Variants in STK32B observed in about 807,000 individuals in gnomAD.
STK32B encodes serine/threonine-protein kinase 32B.
A neutral mutation model predicts 52.6 loss-of-function variants in STK32B; 43 were observed. The ratio of observed to expected loss-of-function variants is 0.82; its 90% CI spans 0.64 to 1.05. The LOEUF (loss-of-function observed/expected upper bound fraction) is 1.05, where lower values mean the gene tolerates loss of function less well. Among genes scored for constraint, STK32B ranks in the 50% least tolerant of loss-of-function variants. The probability of loss-of-function intolerance (pLI) is 0.00; values close to 1 mark genes in which losing one functional copy is unlikely to be tolerated. For missense variants in STK32B, 621 were observed against 534.6 expected (o/e 1.16, Z -1.59); for synonymous variants, 238 against 204.3 (o/e 1.17, Z -1.41).
At chr4:5,198,455 G>A (rs2108772773) in intron 3 of STK32B, among the ~76,000 whole-genome samples, 1 of 152,200 alleles carries the variant, frequency 6.6e-6, no homozygotes, top group East Asian at 1.9e-4. Context: ...TTTTTTCAGA[G>A]GATTAATGGT....
At chr4:5,099,659 A>C (rs576088244) in intron 1 of STK32B, among the ~76,000 whole-genome samples, 17 of 152,098 alleles carry the variant, frequency 1.1e-4, no homozygotes, top group Non-Finnish European at 1.9e-4. Context: ...TGAAAGAATA[A>C]ATTTGGTTGG....
At chr4:5,128,780 A>G (rs187544011) in intron 1 of STK32B, among the ~76,000 whole-genome samples, 1 of 152,314 alleles carries the variant, frequency 6.6e-6, no homozygotes, top group Admixed American at 6.5e-5. Flanking sequence ...CAGGAGCTGA[A>G]TCTCTCTCTG....
chr4:5,302,398 A>G (rs868218899), intron 3 of STK32B, among the ~76,000 whole-genome samples: 2 of 152,116 alleles, frequency 1.3e-5, no homozygotes, highest in South Asian at 2.1e-4. Context: ...TGTCTACCCT[A>G]AAGTTATAAA....
In STK32B at chr4:5,268,490, A is replaced by G. The variant is rs557602027; in HGVS notation, c.261-62730A>G. ...GGCTGTTTTCCCGTCTCCTTTGGTC[A>G]CTATCATTACCCTGATTTACTAAGC... On this transcript the variant is annotated intron_variant, in intron 3 of 11. Transcript: ENST00000282908. 2.3e-4 allele frequency among the ~76,000 whole-genome samples: 35 copies of G among 149,090 alleles called. 1 individual carries two copies. In the South Asian group the frequency reaches 6.7e-3, roughly 29 times the overall value.
At chr4:5,312,782 A>T (rs1730392739) in intron 3 of STK32B, among the ~76,000 whole-genome samples, 1 of 151,988 alleles carries the variant, frequency 6.6e-6, no homozygotes, top group African/African-American at 2.4e-5. Flanking sequence ...CATGATTTAT[A>T]GTCCTTTGGG....
At chr4:5,260,807 C>T (rs1726661074) in intron 3 of STK32B, among the ~76,000 whole-genome samples, 1 of 152,072 alleles carries the variant, frequency 6.6e-6, no homozygotes, top group Non-Finnish European at 1.5e-5. Context: ...ATTAGGAAGG[C>T]CCTAGGGACC....
At chr4:5,019,463 CAG>C in the STK32B span, 1 of 1,445,464 alleles carries the variant, frequency 6.9e-7, no homozygotes, top group Non-Finnish European at 9.0e-7. Flanking sequence ...GGCGCTGGTG[CAG>C]CCTCGCCGAC....
chr4:5,122,047 C>G (rs560953503), intron 1 of STK32B, among the ~76,000 whole-genome samples: 1 of 152,128 alleles, frequency 6.6e-6, no homozygotes, highest in East Asian at 1.9e-4. Context: ...CATTCATTCA[C>G]TCGCTCATTC....
At chr4:5,354,903 T>G (rs923786404) in intron 4 of STK32B, among the ~76,000 whole-genome samples, 2 of 152,174 alleles carry the variant, frequency 1.3e-5, no homozygotes, top group Admixed American at 1.3e-4. Context: ...GTCAAACTGA[T>G]GCAACATGAG....
At chr4:5,463,228 C>A (rs1463272478) in intron 9 of STK32B, among the ~76,000 whole-genome samples, 1 of 152,242 alleles carries the variant, frequency 6.6e-6, no homozygotes, top group Non-Finnish European at 1.5e-5. Flanking sequence ...CTGGCGAAGG[C>A]TAAGAATCTC....
intron 11 of STK32B, among the ~76,000 whole-genome samples, chr4:5,494,498 C>A (rs1241273303): frequency 6.6e-6 from 1 of 152,142 alleles, no homozygotes; most frequent in Non-Finnish European, 1.5e-5. Flanking sequence ...TTCCTGAATA[C>A]AGCACATGGA....
At chr4:5,037,798 G>T in the STK32B span, among the ~76,000 whole-genome samples, 1 of 152,312 alleles carries the variant, frequency 6.6e-6, no homozygotes, top group South Asian at 2.1e-4. Flanking sequence ...CTATGACACT[G>T]CTTTTATTTA....
chr4:5,344,299 G>A (rs768789159), intron 4 of STK32B, among the ~76,000 whole-genome samples: 1 of 152,128 alleles, frequency 6.6e-6, no homozygotes, highest in African/African-American at 2.4e-5. Flanking sequence ...TTTACCAGTA[G>A]CATTACCTAC....
At chr4:5,417,040 A>C in intron 6 of STK32B, 106 bp downstream of exon 6, 2 of 993,794 alleles carry the variant, frequency 2.0e-6, no homozygotes, top group Non-Finnish European at 3.0e-6. Flanking sequence ...ATACCCTCCC[A>C]TGCTCACATG....
At chr4:5,293,660 T>C (rs1163697653) in intron 3 of STK32B, among the ~76,000 whole-genome samples, 1 of 150,868 alleles carries the variant, frequency 6.6e-6, no homozygotes, top group Non-Finnish European at 1.5e-5. Flanking sequence ...GTAAATTTGT[T>C]TAAGTTCCTT....
At chr4:5,052,019 C>A (rs953426012) in intron 1 of STK32B, 104 bp downstream of exon 1, 4 of 1,500,394 alleles carry the variant, frequency 2.7e-6, no homozygotes, top group Non-Finnish European at 2.7e-6. Flanking sequence ...GGCGCGGGGA[C>A]CCAGGCATGG....
chr4:5,248,195 C>T (rs551263325), intron 3 of STK32B, among the ~76,000 whole-genome samples: 8 of 152,172 alleles, frequency 5.3e-5, no homozygotes, highest in Non-Finnish European at 8.8e-5. Context: ...AGTACCTGCT[C>T]AGTATAACAC....
intron 1 of STK32B, among the ~76,000 whole-genome samples, chr4:5,122,050 G>A (rs560961920): frequency 6.0e-5 from 9 of 150,740 alleles, no homozygotes; most frequent in Non-Finnish European, 1.3e-4. Context: ...TCATTCACTC[G>A]CTCATTCATT....
intron 5 of STK32B, among the ~76,000 whole-genome samples, chr4:5,416,619 G>A (rs1190292666): frequency 6.6e-6 from 1 of 152,016 alleles, no homozygotes; most frequent in Non-Finnish European, 1.5e-5. Context: ...AATGTATCCT[G>A]CCCCTCAATA....
Sources: allele counts gnomAD v4.1 joint callset (sites outside exome capture counted in the v4.1 genomes callset), GRCh38; gene constraint gnomAD v4.1.1; transcripts MANE v1.5; gene names NCBI Gene and HGNC (gene_info 2026-07-23, HGNC 2026-07-21).